Variants in SLC5A10 observed in about 807,000 individuals in gnomAD.
The protein encoded by SLC5A10 is sodium/mannose cotransporter SLC5A10.
A neutral mutation model predicts 68.9 loss-of-function variants in SLC5A10; 55 were observed. The observed-to-expected ratio is 0.80, with a 90% CI of 0.64 to 1.00. The LOEUF (loss-of-function observed/expected upper bound fraction) is 1.00. SLC5A10 is among the 50% of genes least tolerant of loss of function. The probability of loss-of-function intolerance (pLI) is 0.00; values close to 1 mark genes in which losing one functional copy is unlikely to be tolerated. For synonymous variants in SLC5A10, 344 were observed against 344.8 expected (o/e 1.00, Z 0.02); for missense variants, 732 against 819.3 (o/e 0.89, Z 1.30).
At chr17:18,962,283 C>T (rs1168859737) in intron 5 of SLC5A10, among the ~76,000 whole-genome samples, 1 of 152,056 alleles carries the variant, frequency 6.6e-6, no homozygotes, top group Non-Finnish European at 1.5e-5. Flanking sequence ...GAGTTGGGCT[C>T]TGATGGAGAC....
At position 18,976,884 on chromosome 17, in the gene SLC5A10, G is replaced by T; in HGVS notation, c.877G>T (p.Asp293Tyr). 3 of 1,613,588 alleles carry T rather than the reference G, an allele frequency of 1.9e-6. No individual in the cohort carries two copies. The highest frequency in any genetic ancestry group is 2.5e-6 in the Non-Finnish European group (3 of 1,180,000). ...CGTGCAGCGATCACTGTCAGCCCGGGACCTGAACCATGCCAAGGCGGGCTC... is the reference window on the plus strand; with the variant it reads ...CGTGCAGCGATCACTGTCAGCCCGGTACCTGAACCATGCCAAGGCGGGCTC... ...VIVQRSLSAR[D>Y]LNHAKAGSIL... Residue 293 changes from aspartate to tyrosine, a missense_variant, in exon 9 of 15, where the codon GAC becomes TAC. Physicochemically the swap from Asp to Tyr is radical, Grantham distance 160. Coordinates refer to ENST00000395645, the MANE Select transcript of SLC5A10 (RefSeq NM_001042450.4).
intron 9 of SLC5A10, chr17:18,978,303 C>T: frequency 6.2e-7 from 1 of 1,610,912 alleles, no homozygotes; most frequent in Non-Finnish European, 8.5e-7. Flanking sequence ...TGGGCGCTGG[C>T]CTGGGAGGTG....
At chr17:18,969,620 G>A in intron 7 of SLC5A10, 198 bp downstream of exon 7, 1 of 539,070 alleles carries the variant, frequency 1.9e-6, no homozygotes, top group Non-Finnish European at 3.3e-6. Flanking sequence ...GGCTGGTAGA[G>A]GCTACCCACC....
In SLC5A10 at chr17:18,959,632, G is replaced by T. The variant is rs2042573030; in HGVS notation, c.317G>T (p.Trp106Leu). ...ACGTACGTGCTGCTGGCACTGGCAT[G>T]GGTGTTCGTGCCCATCTACATCTCC... is the stretch of plus-strand genomic sequence containing the variant. Reference protein sequence around the residue: ...NATYVLLALAWVFVPIYISSE... With the variant: ...NATYVLLALALVFVPIYISSE... Residue 106 changes from tryptophan (W) to leucine (L), a missense_variant, in exon 4 of 15, where the codon TGG becomes TTG. By Grantham distance (61) the Trp-to-Leu change is moderately conservative. Transcript: ENST00000395645. 3.7e-6 allele frequency: 6 copies of T among 1,613,892 alleles called. No homozygotes were observed. Among genetic ancestry groups the T allele is most frequent in the Non-Finnish European group, 5.1e-6 (6 of 1,180,014 alleles).
At chr17:18,978,807 C>T (rs1376162613) in intron 9 of SLC5A10, 2 of 1,612,852 alleles carry the variant, frequency 1.2e-6, no homozygotes, top group African/African-American at 2.7e-5. Context: ...CCAGACAGCA[C>T]AGAGATCACA....
chr17:18,991,755 G>A (rs2043431518), intron 9 of SLC5A10, among the ~76,000 whole-genome samples: 1 of 152,150 alleles, frequency 6.6e-6, no homozygotes, highest in African/African-American at 2.4e-5. Flanking sequence ...TGGAATCTGC[G>A]CAGGCCACAC....
rs2043000353 is a variant in SLC5A10 at position 18,977,117 on chromosome 17, GGA to G, written c.982+132_982+133del. ...AACTGTTCCCCAACCTGGGGAGTGG[GGA>G]GAGTGGTCCTCAGGGCCACAATCAA... On this transcript the variant is annotated intron_variant, in intron 9 of 14. Transcript: ENST00000395645. The G allele has an allele frequency of 5.2e-6, 7 of 1,334,288 alleles. No individual in the cohort carries two copies. The Admixed American group carries it at 1.2e-4, about 23-fold the overall frequency. The allele number at this position is 1,334,288 out of a possible 1,614,324, so 82.7% of individuals were successfully genotyped here.
At chr17:18,989,561 G>A (rs1015821854) in intron 9 of SLC5A10, among the ~76,000 whole-genome samples, 1 of 152,222 alleles carries the variant, frequency 6.6e-6, no homozygotes, top group Non-Finnish European at 1.5e-5. Flanking sequence ...GGCTTCTCTG[G>A]ACCCAGTTTT....
At chr17:18,952,138 AACCCTTTCTGACCTGGTTT>A (rs2042378305), upstream of SLC5A10, 1 of 1,549,124 alleles carries the variant, frequency 6.5e-7, no homozygotes, top group Non-Finnish European at 8.7e-7. Flanking sequence ...CCTGCCAGGA[AACCCTTTCTGACCTGGTTT>A]GCCCCTCAGT....
intron 5 of SLC5A10, among the ~76,000 whole-genome samples, chr17:18,963,973 G>A (rs544384886): frequency 1.3e-5 from 2 of 152,288 alleles, no homozygotes; most frequent in East Asian, 1.9e-4. Context: ...TGGCCTCTGC[G>A]CTTCCATGAA....
chr17:18,962,390 A>G (rs2042628639), intron 5 of SLC5A10, among the ~76,000 whole-genome samples: 1 of 152,154 alleles, frequency 6.6e-6, no homozygotes, highest in African/African-American at 2.4e-5. Flanking sequence ...CTTAGACTCT[A>G]GGAGTCACTA....
intron 10 of SLC5A10, 51 bp from the exon 11 acceptor site, chr17:19,014,998 C>G (rs764491399): frequency 6.3e-7 from 1 of 1,581,534 alleles, no homozygotes; most frequent in Non-Finnish European, 8.6e-7. Flanking sequence ...GAGGGGTTCC[C>G]GGGGCTGTCT....
intron 9 of SLC5A10, chr17:18,988,331 G>A (rs778229006): frequency 1.3e-5 from 21 of 1,614,086 alleles, no homozygotes; most frequent in Admixed American, 1.7e-5. Context: ...TGATGTACAC[G>A]GCCACTTTCC....
Position 19,003,781 on chromosome 17 carries a change from AGAGGGGCCC to A in SLC5A10, c.983-9627_983-9619del. On this transcript the variant is annotated intron_variant, in intron 9 of 14. Transcript: ENST00000395645. This position sits in a 1 kb window ranked among gnomAD's most constrained non-coding sequence, Gnocchi z 4.5. ...CGACCCCATTGTCCTCGGGCCCCTG[AGAGGGGCCC>A]GTGCCCCGAGGGTCCTCAGAGCCCG... 1 of 1,610,978 alleles carries A rather than the reference AGAGGGGCCC, an allele frequency of 6.2e-7. No homozygotes were observed. The highest frequency in any genetic ancestry group is 1.3e-5 in the African/African-American group (1 of 74,828).
intron 5 of SLC5A10, 57 bp downstream of exon 5, chr17:18,960,709 C>A: frequency 1.3e-6 from 2 of 1,510,242 alleles, no homozygotes; most frequent in Non-Finnish European, 1.8e-6. Context: ...AATCTGTGGG[C>A]CCCTCAAGAG....
intron 9 of SLC5A10, among the ~76,000 whole-genome samples, chr17:19,011,333 G>A (rs2044009109): frequency 6.6e-6 from 1 of 152,166 alleles, no homozygotes; most frequent in African/African-American, 2.4e-5. Flanking sequence ...TGGTGCCCTG[G>A]GAGGAGGGAC....
At chr17:18,982,962 G>A (rs905417051) in intron 9 of SLC5A10, among the ~76,000 whole-genome samples, 8 of 152,264 alleles carry the variant, frequency 5.3e-5, no homozygotes, top group Admixed American at 3.3e-4. Context: ...CACAGTACAG[G>A]TGGGGCCCTC....
chr17:18,978,042 T>C, intron 9 of SLC5A10: 1 of 1,532,416 alleles, frequency 6.5e-7, no homozygotes, highest in South Asian at 1.3e-5. Context: ...CTGGGTAGCC[T>C]ATGGTCTGTC....
At position 19,019,807 on chromosome 17, in the gene SLC5A10, A is replaced by C. The variant is rs1339495857; in HGVS notation, c.1505A>C (p.Asp502Ala). The change falls in exon 13 of 15, where the codon GAC (aspartate) becomes GCC (alanine). Residue 502 changes from aspartate to alanine, a missense_variant. Asp to Ala is a moderately radical substitution (Grantham distance 126, BLOSUM62 -2). Coordinates refer to ENST00000395645, the MANE Select transcript of SLC5A10 (RefSeq NM_001042450.4). ...LNPAPPCGEP[D>A]TRPAVLGSIH... ...CCAGCCCCACCGTGCGGAGAGCCAGACACGCGGCCAGCCGTCCTGGGGAGC... is the reference window on the plus strand; with the variant it reads ...CCAGCCCCACCGTGCGGAGAGCCAGCCACGCGGCCAGCCGTCCTGGGGAGC... The C allele has an allele frequency of 6.2e-7, 1 of 1,613,326 alleles. No homozygotes were observed. The highest frequency in any genetic ancestry group is 2.2e-5 in the East Asian group (1 of 44,884).
Sources: allele counts gnomAD v4.1 joint callset (sites outside exome capture counted in the v4.1 genomes callset), GRCh38; gene constraint gnomAD v4.1.1; non-coding constraint Gnocchi (gnomAD v3.1); transcripts MANE v1.5; gene names NCBI Gene and HGNC (gene_info 2026-07-23, HGNC 2026-07-21).